The following RARB variants were observed in gnomAD, a reference collection of about 807,000 sequenced individuals.
RARB encodes HBV-activated protein.
Under a neutral mutation model 51.9 loss-of-function variants are expected in RARB, and 17 were observed. That is an observed-to-expected ratio of 0.33 (90% CI 0.22 to 0.49). The LOEUF (loss-of-function observed/expected upper bound fraction) is 0.49. Among genes scored for constraint, RARB ranks in the 20% least tolerant of loss-of-function variants. RARB has a pLI of 0.99. For missense variants in RARB, 369 were observed against 550.8 expected (o/e 0.67, Z 3.30); for synonymous variants, 215 against 195.4 (o/e 1.10, Z -0.84).
At chr3:25,271,615 C>T (rs569166865) in intron 5 of RARB, among the ~76,000 whole-genome samples, 1 of 152,284 alleles carries the variant, frequency 6.6e-6, no homozygotes, top group East Asian at 1.9e-4. Context: ...TGCAACATAA[C>T]TCTTGGGAGC....
chr3:25,508,024 G>A (rs1481472099), intron 3 of RARB, among the ~76,000 whole-genome samples: 7 of 152,166 alleles, frequency 4.6e-5, no homozygotes, highest in African/African-American at 1.2e-4. Context: ...ATTGCTCTTT[G>A]AGGTTATGTT....
intron 2 of RARB, among the ~76,000 whole-genome samples, chr3:24,937,156 A>G (rs770232304): frequency 6.6e-6 from 1 of 152,252 alleles, no homozygotes; most frequent in Non-Finnish European, 1.5e-5. Flanking sequence ...CTGGTAAAGC[A>G]GAGTTATTAC....
At position 25,407,797 on chromosome 3, in the gene RARB, C is replaced by T. The variant is rs1356279833; in HGVS notation, c.179-53396C>T. On this transcript the variant is annotated intron_variant, in intron 5 of 11. Coordinates refer to the RARB transcript ENST00000383772. ...CCTGGCCATGAGAACAACCTTGATC[C>T]TCATGCAGCATAAGCTGGAAGTGTT... Among the ~76,000 whole-genome samples the T allele has an allele frequency of 2.0e-5, 3 of 151,388 alleles. No homozygotes were observed. In the East Asian group the frequency reaches 5.8e-4, roughly 29 times the overall value.
chr3:25,309,486 CTTTTTTTTTTTTTTTT>C (rs149976069), intron 5 of RARB, among the ~76,000 whole-genome samples: 1 of 58,048 alleles, frequency 1.7e-5, no homozygotes, highest in Non-Finnish European at 3.2e-5. Context: ...CTCATAGTTG[CTTTTTTTTTTTTTTTT>C]TTTTTTTTTT....
intron 3 of RARB, among the ~76,000 whole-genome samples, chr3:25,528,094 A>T (rs1257846157): frequency 1.3e-5 from 2 of 152,216 alleles, no homozygotes; most frequent in Non-Finnish European, 2.9e-5. Flanking sequence ...ACCAGGAGAA[A>T]AGAAAGTAAA....
intron 2 of RARB, among the ~76,000 whole-genome samples, chr3:24,986,660 A>G (rs537484865): frequency 6.6e-6 from 1 of 152,346 alleles, no homozygotes; most frequent in South Asian, 2.1e-4. Context: ...ACAAGAGAAT[A>G]AAAACAATTT....
intron 2 of RARB, among the ~76,000 whole-genome samples, chr3:24,936,064 C>A (rs1402814469): frequency 6.6e-6 from 1 of 152,042 alleles, no homozygotes; most frequent in Non-Finnish European, 1.5e-5. Flanking sequence ...CCAAAACATA[C>A]CTTTTTAGGA....
At chr3:25,061,700 A>G (rs774563899) in intron 3 of RARB, among the ~76,000 whole-genome samples, 22 of 151,812 alleles carry the variant, frequency 1.4e-4, no homozygotes, top group South Asian at 4.1e-4. Context: ...TAATATGTTG[A>G]TCCACTAAAT....
intron 3 of RARB, among the ~76,000 whole-genome samples, chr3:25,507,063 C>A (rs982837966): frequency 6.6e-6 from 1 of 152,250 alleles, no homozygotes; most frequent in Non-Finnish European, 1.5e-5. Flanking sequence ...CTCCCCAACC[C>A]TGTTTTCTCA....
intron 2 of RARB, among the ~76,000 whole-genome samples, chr3:24,930,752 T>A (rs1695420788): frequency 6.6e-6 from 1 of 152,108 alleles, no homozygotes; most frequent in Non-Finnish European, 1.5e-5. Flanking sequence ...CTTGTGCCTA[T>A]AATCCCAGCA....
rs114392900 is a variant in RARB at position 25,149,302 on chromosome 3, A to G, written c.-280+17094A>G. Among the ~76,000 whole-genome samples the G allele has an allele frequency of 5.3e-3, 808 of 152,308 alleles. 7 individuals are homozygous for G. The highest frequency in any genetic ancestry group is 0.018 in the African/African-American group (757 of 41,560). On this transcript the variant is annotated intron_variant, in intron 4 of 11. Transcript: ENST00000383772. ...CGAATTTTGTCAAATTTACCCAGAAAATCAAATAGTTCATTCATGCCTGGT... is the reference window on the plus strand; with the variant it reads ...CGAATTTTGTCAAATTTACCCAGAAGATCAAATAGTTCATTCATGCCTGGT...
intron 1 of RARB, among the ~76,000 whole-genome samples, chr3:25,430,141 C>G (rs1049612414): frequency 2.6e-5 from 4 of 152,170 alleles, no homozygotes; most frequent in Non-Finnish European, 2.9e-5. Flanking sequence ...CCATTTGATG[C>G]CAACAGCCTG....
At chr3:25,500,439 T>C (rs891031295) in intron 2 of RARB, among the ~76,000 whole-genome samples, 7 of 149,398 alleles carry the variant, frequency 4.7e-5, no homozygotes, top group Non-Finnish European at 1.0e-4. Context: ...ATAATTTCTT[T>C]TTCTTTCTTT....
At chr3:25,144,839 C>T (rs1454752022) in intron 4 of RARB, among the ~76,000 whole-genome samples, 1 of 152,206 alleles carries the variant, frequency 6.6e-6, no homozygotes, top group Non-Finnish European at 1.5e-5. Context: ...ATACATTCTT[C>T]AATAAATGAA....
At chr3:25,114,370 C>G (rs1699651807) in intron 3 of RARB, among the ~76,000 whole-genome samples, 1 of 152,152 alleles carries the variant, frequency 6.6e-6, no homozygotes, top group African/African-American at 2.4e-5. Context: ...AGCTACTCCA[C>G]TTGGAAATAA....
intron 5 of RARB, among the ~76,000 whole-genome samples, chr3:25,274,970 C>T (rs1275281708): frequency 6.6e-6 from 1 of 152,166 alleles, no homozygotes; most frequent in Non-Finnish European, 1.5e-5. Context: ...CAGTAATCAA[C>T]TGTTTATGCT....
At chr3:25,242,234 A>T (rs918930889) in intron 5 of RARB, among the ~76,000 whole-genome samples, 10 of 151,908 alleles carry the variant, frequency 6.6e-5, no homozygotes, top group Non-Finnish European at 1.5e-4. Flanking sequence ...GATAGCAAAA[A>T]TTTTCTCCCA....
intron 3 of RARB, among the ~76,000 whole-genome samples, chr3:25,091,762 CTA>C (rs1260961384): frequency 1.3e-5 from 2 of 152,118 alleles, no homozygotes; most frequent in African/African-American, 4.8e-5. Flanking sequence ...CAAAAAATAT[CTA>C]TTGTTGCTGC....
intron 5 of RARB, among the ~76,000 whole-genome samples, chr3:25,217,535 G>A (rs937448025): frequency 1.3e-5 from 2 of 151,896 alleles, no homozygotes; most frequent in African/African-American, 4.8e-5. Context: ...GTATGGCCAA[G>A]GGAGGCAAGA....
Sources: gnomAD v4.1 joint callset for allele counts (sites outside exome capture counted in the v4.1 genomes callset) on GRCh38, gnomAD v4.1.1 for gene constraint, MANE v1.5 for transcripts, NCBI Gene and HGNC (gene_info 2026-07-23, HGNC 2026-07-21) for gene names.